NUP98: variants seen among roughly 807,000 people sequenced by gnomAD.
NUP98 encodes the protein nucleoporin 98 and 96 precursor.
In NUP98, 26 loss-of-function variants were observed where a neutral mutation model predicts 191.9. The ratio of observed to expected loss-of-function variants is 0.14; its 90% CI spans 0.10 to 0.19. The LOEUF is 0.19. Among genes scored for constraint, NUP98 ranks in the 10% least tolerant of loss-of-function variants. NUP98 has a pLI of 1.00. For synonymous variants in NUP98, 808 were observed against 778.4 expected (o/e 1.04, Z -0.63); for missense variants, 1,941 against 2,178.8 (o/e 0.89, Z 2.17).
chr11:3,779,994 G>C (rs1411547941), intron 2 of NUP98, among the ~76,000 whole-genome samples: 1 of 152,088 alleles, frequency 6.6e-6, no homozygotes, highest in Non-Finnish European at 1.5e-5. Context: ...GTGACACTCC[G>C]TAGTCACTGA....
At chr11:3,796,829 A>C (rs2082634624) in intron 1 of NUP98, among the ~76,000 whole-genome samples, 1 of 152,140 alleles carries the variant, frequency 6.6e-6, no homozygotes, top group African/African-American at 2.4e-5. Context: ...TAATCCAGAA[A>C]CTCAATCTGT....
chr11:3,777,972 A>G (rs1383152720), intron 4 of NUP98, among the ~76,000 whole-genome samples: 1 of 151,876 alleles, frequency 6.6e-6, no homozygotes, highest in Non-Finnish European at 1.5e-5. Context: ...GCCGAGGCAG[A>G]TGGAACACGA....
chr11:3,732,506 T>A (rs952521000), intron 13 of NUP98, among the ~76,000 whole-genome samples: 2 of 152,206 alleles, frequency 1.3e-5, no homozygotes, highest in African/African-American at 4.8e-5. Flanking sequence ...GAATTAATAT[T>A]CAACTTCTAT....
intron 8 of NUP98, 145 bp from the exon 9 acceptor site, chr11:3,763,184 A>C: frequency 2.7e-6 from 2 of 743,692 alleles, no homozygotes; most frequent in South Asian, 4.9e-5. Flanking sequence ...TTTCCTTCAA[A>C]ACAACCCTGA....
chr11:3,765,166 C>T (rs1181525273), intron 8 of NUP98, among the ~76,000 whole-genome samples: 1 of 152,006 alleles, frequency 6.6e-6, no homozygotes, highest in Non-Finnish European at 1.5e-5. Context: ...TGATGATATC[C>T]CTTTGATATA....
chr11:3,683,279 C>G lies in NUP98; in HGVS notation c.4839G>C (p.Lys1613Asn), dbSNP rs376298671. 1.7e-5 allele frequency: 28 copies of G among 1,614,164 alleles called. No homozygotes were observed. Among genetic ancestry groups the G allele is most frequent in the African/African-American group, 1.7e-4 (13 of 75,040 alleles). ...TAAATAAGCAAAGGGCCTCTAAGTG[C>G]TTGTCAGATTCCATGTGTGCTCGCA... ...KAVRAHMESD[K>N]HLEALCLFKA... is the part of the protein sequence containing the mutation. The change falls in exon 30 of 33, where the codon AAG becomes AAC. Residue 1613 changes from lysine to asparagine, a missense_variant. Lys to Asn is a moderately conservative substitution (Grantham distance 94). Coordinates refer to ENST00000324932, the MANE Select transcript of NUP98 (RefSeq NM_016320.5).
chr11:3,753,925 C>G (rs2080863047), intron 10 of NUP98, among the ~76,000 whole-genome samples: 1 of 150,812 alleles, frequency 6.6e-6, no homozygotes, highest in Non-Finnish European at 1.5e-5. Flanking sequence ...GGCAACAGAG[C>G]AGGACTCTGT....
At position 3,768,749 on chromosome 11, in the gene NUP98, T is replaced by C. The variant is rs1452269378; in HGVS notation, c.785-5A>G. 2.6e-6 allele frequency: 4 copies of C among 1,511,772 alleles called. No individual in the cohort carries two copies. Among genetic ancestry groups the C allele is most frequent in the Admixed American group, 2.3e-5 (1 of 44,090 alleles). The allele number at this position is 1,511,772 out of a possible 1,614,324, so 93.6% of individuals were successfully genotyped here. On this transcript the variant is annotated splice_polypyrimidine_tract_variant and splice_region_variant and intron_variant, in intron 7 of 32. Transcript: ENST00000324932. ...TTGTTCCAAATCCAGTTGTACCTTT[T>C]AGGAAAAAGAAAAAAAAAAGAAAAA... is the stretch of plus-strand genomic sequence containing the variant.
intron 12 of NUP98, among the ~76,000 whole-genome samples, chr11:3,742,689 ACT>A (rs2080327427): frequency 1.6e-5 from 2 of 124,008 alleles, no homozygotes; most frequent in Admixed American, 9.1e-5. Context: ...ATAGAGCAAG[ACT>A]CTGTCTCCAA....
intron 11 of NUP98, among the ~76,000 whole-genome samples, chr11:3,749,334 A>G (rs897602993): frequency 1.3e-5 from 2 of 151,132 alleles, no homozygotes; most frequent in Non-Finnish European, 2.9e-5. Context: ...ATAAATAAAT[A>G]AATTAAGAGG....
At chr11:3,776,287 A>C (rs2081728049) in intron 4 of NUP98, among the ~76,000 whole-genome samples, 2 of 151,340 alleles carry the variant, frequency 1.3e-5, no homozygotes, top group East Asian at 3.9e-4. Flanking sequence ...ACACCCAGCT[A>C]ATTTTTTTTT....
At chr11:3,746,714 A>G (rs2134395285) in intron 11 of NUP98, among the ~76,000 whole-genome samples, 1 of 151,898 alleles carries the variant, frequency 6.6e-6, no homozygotes, top group South Asian at 2.1e-4. Flanking sequence ...GGAGTTCGAG[A>G]CCAGCCTGAC....
intron 11 of NUP98, among the ~76,000 whole-genome samples, chr11:3,747,453 G>A (rs1432520993): frequency 6.6e-6 from 1 of 152,120 alleles, no homozygotes; most frequent in African/African-American, 2.4e-5. Context: ...CAAGGCAGTG[G>A]TGTGCAATTG....
At chr11:3,780,407 T>C (rs887347606) in intron 2 of NUP98, among the ~76,000 whole-genome samples, 3 of 144,766 alleles carry the variant, frequency 2.1e-5, no homozygotes, top group African/African-American at 7.6e-5. Flanking sequence ...CCGGGCCTGG[T>C]GGAGGGTGCC....
chr11:3,699,003 C>A (rs1421789901), intron 25 of NUP98, 79 bp downstream of exon 25: 6 of 1,518,882 alleles, frequency 4.0e-6, no homozygotes, highest in Middle Eastern at 2.4e-4. Context: ...AAGGGAAATG[C>A]ACAATTAGCG....
rs754216687 is a variant in NUP98 at position 3,725,242 on chromosome 11, A to G, written c.1731-23T>C. 3.4e-6 allele frequency: 4 copies of G among 1,184,088 alleles called. No homozygotes were observed. In the South Asian group the frequency reaches 5.1e-5, roughly 15 times the overall value. The allele number at this position is 1,184,088 out of a possible 1,614,324, so 73.3% of individuals were successfully genotyped here. ...TTCCTATAAACAAGAAACCAAAAGA[A>G]GAAGAAAAAAATTACTCAGGCATAC... On this transcript the variant is annotated intron_variant, in intron 14 of 32. Transcript: ENST00000324932.
At chr11:3,737,410 G>C (rs1044526566) in intron 12 of NUP98, among the ~76,000 whole-genome samples, 1 of 151,716 alleles carries the variant, frequency 6.6e-6, no homozygotes, top group Non-Finnish European at 1.5e-5. Context: ...CGGATCACAA[G>C]GTCAGGAGAT....
chr11:3,736,514 G>A (rs2080066632), intron 12 of NUP98, among the ~76,000 whole-genome samples: 1 of 152,130 alleles, frequency 6.6e-6, no homozygotes, highest in South Asian at 2.1e-4. Flanking sequence ...AAAATTAGCT[G>A]GGCGTGGGGG....
intron 20 of NUP98, among the ~76,000 whole-genome samples, chr11:3,707,856 T>C (rs2078910140): frequency 6.6e-6 from 1 of 151,918 alleles, no homozygotes; most frequent in South Asian, 2.1e-4. Context: ...ATCCCAGCAC[T>C]TTGGGAGACT....
Sources: gnomAD v4.1 joint callset for allele counts (sites outside exome capture counted in the v4.1 genomes callset) on GRCh38, gnomAD v4.1.1 for gene constraint, MANE v1.5 for transcripts, NCBI Gene and HGNC (gene_info 2026-07-23, HGNC 2026-07-21) for gene names.